The following SHISA9 variants were observed in gnomAD, a reference collection of about 807,000 sequenced individuals.
SHISA9 encodes the protein shisa family member 9, also known as protein shisa-9.
Under a neutral mutation model 38.0 loss-of-function variants are expected in SHISA9, and 13 were observed. The ratio of observed to expected loss-of-function variants is 0.34; its 90% CI spans 0.22 to 0.54. SHISA9 has a LOEUF of 0.54. Ranked by LOEUF, SHISA9 falls within the 20% of genes least tolerant of loss-of-function variation. The pLI, the probability that SHISA9 is intolerant of heterozygous loss-of-function variation, is 0.91. For synonymous variants in SHISA9, 275 were observed against 242.0 expected, an observed-to-expected ratio of 1.14 and a Z score of -1.27; for missense variants, 538 against 575.8, an observed-to-expected ratio of 0.93 and a Z score of 0.67.
the SHISA9 span, among the ~76,000 whole-genome samples, chr16:13,536,372 T>C: frequency 5.9e-5 from 9 of 152,182 alleles, no homozygotes; most frequent in African/African-American, 1.9e-4. Context: ...AGTATTTAAA[T>C]CTCTGCTGCA....
At chr16:13,148,009 T>C (rs914923430) in intron 2 of SHISA9, among the ~76,000 whole-genome samples, 1 of 152,140 alleles carries the variant, frequency 6.6e-6, no homozygotes, top group Non-Finnish European at 1.5e-5. Flanking sequence ...CTAATAGATC[T>C]CTGCAAATAT....
At chr16:12,970,490 TATA>T (rs2072063095) in intron 2 of SHISA9, among the ~76,000 whole-genome samples, 3 of 28,834 alleles carry the variant, frequency 1.0e-4, no homozygotes, top group Non-Finnish European at 2.0e-4. Context: ...TATATATATA[TATA>T]TATATTTTTT....
chr16:13,256,282 A>G, the SHISA9 span, among the ~76,000 whole-genome samples: 1 of 151,858 alleles, frequency 6.6e-6, no homozygotes, highest in Non-Finnish European at 1.5e-5. Flanking sequence ...ATGTGTATGT[A>G]TTTATTTATT....
intron 2 of SHISA9, among the ~76,000 whole-genome samples, chr16:12,988,378 C>G (rs541800245): frequency 1.3e-5 from 2 of 152,292 alleles, no homozygotes; most frequent in South Asian, 4.2e-4. Flanking sequence ...CTTCATTCTA[C>G]CACTAACAGA....
the SHISA9 span, among the ~76,000 whole-genome samples, chr16:13,392,980 C>T: frequency 6.6e-6 from 1 of 152,190 alleles, no homozygotes. Flanking sequence ...CGAAACAGGT[C>T]GTGGTACCTT....
At chr16:13,222,805 TATATATACATACAC>T (rs775617828) in intron 4 of SHISA9, among the ~76,000 whole-genome samples, 2,253 of 128,266 alleles carry the variant, frequency 0.018, 58 homozygotes, top group African/African-American at 0.071. Context: ...TATATATATA[TATATATACATACAC>T]ACACCACAAG....
At chr16:12,948,758 G>A (rs541781886) in intron 2 of SHISA9, among the ~76,000 whole-genome samples, 1 of 152,280 alleles carries the variant, frequency 6.6e-6, no homozygotes. Context: ...ATGGGGCCTA[G>A]AATTTCAATG....
the SHISA9 span, among the ~76,000 whole-genome samples, chr16:13,386,259 T>C: frequency 6.6e-6 from 1 of 152,196 alleles, no homozygotes; most frequent in Admixed American, 6.5e-5. Context: ...GAGCACAGGA[T>C]CTTTCTGTAT....
chr16:13,496,935 C>A, the SHISA9 span, among the ~76,000 whole-genome samples: 1 of 152,122 alleles, frequency 6.6e-6, no homozygotes, highest in East Asian at 1.9e-4. Flanking sequence ...TAAAATGTCA[C>A]TTCTTCCAAA....
chr16:13,141,304 A>T (rs1172822453), intron 2 of SHISA9, among the ~76,000 whole-genome samples: 1 of 152,120 alleles, frequency 6.6e-6, no homozygotes, highest in Admixed American at 6.5e-5. Context: ...TACAGCAGTC[A>T]CTTTATGAGC....
chr16:13,289,654 G>T, the SHISA9 span, among the ~76,000 whole-genome samples: 1 of 152,008 alleles, frequency 6.6e-6, no homozygotes, highest in Non-Finnish European at 1.5e-5. Context: ...GAGAGTCAGA[G>T]CAAGAGCTAG....
At chr16:13,250,731 A>T in the SHISA9 span, among the ~76,000 whole-genome samples, 73 of 151,790 alleles carry the variant, frequency 4.8e-4, no homozygotes, top group African/African-American at 1.6e-3. Flanking sequence ...TTTGAGAAAG[A>T]TCTATATTTG....
intron 2 of SHISA9, among the ~76,000 whole-genome samples, chr16:13,089,980 C>T (rs2073756577): frequency 6.6e-6 from 1 of 152,134 alleles, no homozygotes; most frequent in African/African-American, 2.4e-5. Context: ...CAAATGTGTC[C>T]CAGAGATTCT....
At chr16:13,150,715 C>T (rs2050491947) in intron 2 of SHISA9, among the ~76,000 whole-genome samples, 1 of 152,154 alleles carries the variant, frequency 6.6e-6, no homozygotes, top group Non-Finnish European at 1.5e-5. Flanking sequence ...TGGGACCTCC[C>T]ACCACCCCTG....
chr16:12,976,157 G>A (rs1051826246), intron 2 of SHISA9, among the ~76,000 whole-genome samples: 2 of 151,882 alleles, frequency 1.3e-5, no homozygotes, highest in Non-Finnish European at 2.9e-5. Flanking sequence ...GCGTGATCCC[G>A]GCTCACTGTA....
chr16:13,446,287 A>G, the SHISA9 span, among the ~76,000 whole-genome samples: 1 of 152,064 alleles, frequency 6.6e-6, no homozygotes, highest in African/African-American at 2.4e-5. Flanking sequence ...ATTATTATTT[A>G]TATTAACTAG....
At chr16:13,353,817 C>T in the SHISA9 span, among the ~76,000 whole-genome samples, 20 of 152,030 alleles carry the variant, frequency 1.3e-4, no homozygotes, top group Admixed American at 5.2e-4. Context: ...TTCGTGAAGA[C>T]GGAGGACCGT....
At chr16:12,914,263 C>G (rs1412920298) in intron 1 of SHISA9, among the ~76,000 whole-genome samples, 1 of 151,948 alleles carries the variant, frequency 6.6e-6, no homozygotes, top group Non-Finnish European at 1.5e-5. Flanking sequence ...TCGGGCTGGT[C>G]TCGAACTCCT....
chr16:12,943,638 T>C (rs1049796638), intron 2 of SHISA9, among the ~76,000 whole-genome samples: 7 of 152,028 alleles, frequency 4.6e-5, no homozygotes, highest in Non-Finnish European at 8.8e-5. Flanking sequence ...GAGGTAACAG[T>C]CAGGAAACTG....
Sources: allele counts gnomAD v4.1 joint callset (sites outside exome capture counted in the v4.1 genomes callset), GRCh38; gene constraint gnomAD v4.1.1; transcripts MANE v1.5; gene names NCBI Gene and HGNC (gene_info 2026-07-23, HGNC 2026-07-21).